LIMS1: variants seen among roughly 807,000 people sequenced by gnomAD.
The protein encoded by LIMS1 is LIM zinc finger domain containing 1.
Under a neutral mutation model 44.1 loss-of-function variants are expected in LIMS1, and 18 were observed. The observed-to-expected ratio is 0.41, with a 90% CI of 0.28 to 0.61. The LOEUF is 0.61. Among genes scored for constraint, LIMS1 ranks in the 20% least tolerant of loss-of-function variants. The probability of loss-of-function intolerance (pLI) is 0.32; values close to 1 mark genes in which losing one functional copy is unlikely to be tolerated. For missense variants in LIMS1, 201 were observed against 422.0 expected (o/e 0.48, Z 4.59); for synonymous variants, 93 against 149.1 (o/e 0.62, Z 2.74).
intron 1 of LIMS1, among the ~76,000 whole-genome samples, chr2:108,596,915 G>GTTTTTTTTTT (rs34313967): frequency 1.5e-5 from 1 of 68,444 alleles, no homozygotes; most frequent in Non-Finnish European, 2.7e-5. Flanking sequence ...CGAAACATCT[G>GTTTTTTTTTT]TTTTTTTTTT....
chr2:108,634,180 C>T (rs1689085599), intron 1 of LIMS1, among the ~76,000 whole-genome samples: 1 of 152,160 alleles, frequency 6.6e-6, no homozygotes, highest in Non-Finnish European at 1.5e-5. Context: ...GTTGGGGTCT[C>T]CTTCTAGCAG....
intron 6 of LIMS1, 151 bp downstream of exon 6, chr2:108,676,179 A>T: frequency 9.6e-7 from 1 of 1,041,770 alleles, no homozygotes; most frequent in East Asian, 2.6e-5. Flanking sequence ...GAGACTCTAA[A>T]GATTAAACGT....
intron 1 of LIMS1, among the ~76,000 whole-genome samples, chr2:108,552,277 A>G (rs1234901582): frequency 2.2e-5 from 3 of 136,048 alleles, no homozygotes; most frequent in African/African-American, 7.8e-5. Flanking sequence ...TAGTATATAT[A>G]TGAAACTATA....
At chr2:108,578,616 C>T (rs929201520) in intron 1 of LIMS1, among the ~76,000 whole-genome samples, 22 of 112,042 alleles carry the variant, frequency 2.0e-4, no homozygotes, top group African/African-American at 5.0e-4. Flanking sequence ...TTTTTGGAGA[C>T]GGAGTCTCTC....
chr2:108,654,070 G>T (rs528105380), intron 1 of LIMS1, among the ~76,000 whole-genome samples: 4 of 151,794 alleles, frequency 2.6e-5, no homozygotes, highest in African/African-American at 7.2e-5. Flanking sequence ...GAGTTTTCTC[G>T]CGGGCAAATG....
At chr2:108,597,842 G>A (rs548489255) in intron 1 of LIMS1, among the ~76,000 whole-genome samples, 36 of 151,880 alleles carry the variant, frequency 2.4e-4, no homozygotes, top group South Asian at 1.3e-3. Flanking sequence ...ACAGGCGCCC[G>A]CTGCCACACC....
At chr2:108,584,086 G>A (rs1038230363) in intron 1 of LIMS1, among the ~76,000 whole-genome samples, 1 of 152,182 alleles carries the variant, frequency 6.6e-6, no homozygotes, top group Non-Finnish European at 1.5e-5. Context: ...AGGGTTCCCA[G>A]ACCATAGCTG....
intron 1 of LIMS1, among the ~76,000 whole-genome samples, chr2:108,615,994 G>A (rs1573456422): frequency 6.6e-6 from 1 of 152,054 alleles, no homozygotes; most frequent in African/African-American, 2.4e-5. Flanking sequence ...CTCTCCCTTG[G>A]CCCCTTGAAA....
chr2:108,575,229 G>A (rs1685625117), intron 1 of LIMS1, among the ~76,000 whole-genome samples: 1 of 152,098 alleles, frequency 6.6e-6, no homozygotes, highest in South Asian at 2.1e-4. Context: ...GGGGAGGATG[G>A]AGGTGGGGTT....
intron 1 of LIMS1, among the ~76,000 whole-genome samples, chr2:108,626,028 A>G (rs1482078688): frequency 6.6e-6 from 1 of 152,230 alleles, no homozygotes; most frequent in Non-Finnish European, 1.5e-5. Flanking sequence ...GTAAGAGAGA[A>G]AGAACTGAAG....
intron 1 of LIMS1, among the ~76,000 whole-genome samples, chr2:108,596,353 G>A (rs933554351): frequency 6.6e-6 from 1 of 152,212 alleles, no homozygotes; most frequent in Non-Finnish European, 1.5e-5. Flanking sequence ...GGGCAGAAAA[G>A]CCAGAGGGTG....
chr2:108,577,365 C>A (rs558805632), intron 1 of LIMS1, among the ~76,000 whole-genome samples: 1 of 152,370 alleles, frequency 6.6e-6, no homozygotes, highest in African/African-American at 2.4e-5. Context: ...GATGCTGCCT[C>A]TGCTGTGTCA....
chr2:108,546,955 T>G (rs2104579184), intron 1 of LIMS1, among the ~76,000 whole-genome samples: 1 of 152,312 alleles, frequency 6.6e-6, no homozygotes, highest in Non-Finnish European at 1.5e-5. Flanking sequence ...GTCTATAACT[T>G]TAGTCTGTTA....
At chr2:108,618,612 G>T (rs2148867404) in intron 1 of LIMS1, among the ~76,000 whole-genome samples, 1 of 152,066 alleles carries the variant, frequency 6.6e-6, no homozygotes, top group Non-Finnish European at 1.5e-5. Context: ...AGATCACAAG[G>T]TCAGGAGATC....
chr2:108,640,136 G>A (rs1318021390), intron 1 of LIMS1, among the ~76,000 whole-genome samples: 1 of 152,200 alleles, frequency 6.6e-6, no homozygotes, highest in Non-Finnish European at 1.5e-5. Context: ...AGGATGGCTT[G>A]TTGCAGGGAG....
chr2:108,587,469 A>G (rs1472342012), intron 1 of LIMS1, among the ~76,000 whole-genome samples: 2 of 151,938 alleles, frequency 1.3e-5, no homozygotes, highest in Non-Finnish European at 2.9e-5. Flanking sequence ...GAGCACTGAG[A>G]TTACAGGCAA....
chr2:108,610,389 C>T (rs1417569179), intron 1 of LIMS1, among the ~76,000 whole-genome samples: 1 of 151,974 alleles, frequency 6.6e-6, no homozygotes, highest in Non-Finnish European at 1.5e-5. Context: ...AGAAACAATC[C>T]TTATACTCAT....
chr2:108,601,932 A>G (rs1687038638), intron 1 of LIMS1, among the ~76,000 whole-genome samples: 1 of 150,346 alleles, frequency 6.7e-6, no homozygotes, highest in South Asian at 2.2e-4. Context: ...GATTCTTTCA[A>G]CCCATGGAAT....
intron 1 of LIMS1, among the ~76,000 whole-genome samples, chr2:108,548,345 T>C (rs1684559694): frequency 6.6e-6 from 1 of 152,218 alleles, no homozygotes; most frequent in African/African-American, 2.4e-5. Context: ...CTTTTTTGTC[T>C]TTTGGGCATT....
Sources: allele counts gnomAD v4.1 joint callset (sites outside exome capture counted in the v4.1 genomes callset), GRCh38; gene constraint gnomAD v4.1.1; transcripts MANE v1.5; gene names NCBI Gene and HGNC (gene_info 2026-07-23, HGNC 2026-07-21).